PLCH1: variants seen among roughly 807,000 people sequenced by gnomAD.
The protein encoded by PLCH1 is phospholipase C eta 1, also known as 1-phosphatidylinositol 4,5-bisphosphate phosphodiesterase eta-1.
In PLCH1, 60 loss-of-function variants were observed where a neutral mutation model predicts 126.7. That is an observed-to-expected ratio of 0.47 (90% CI 0.38 to 0.59). The LOEUF (loss-of-function observed/expected upper bound fraction) is 0.59. Among genes scored for constraint, PLCH1 ranks in the 20% least tolerant of loss-of-function variants. The pLI is 0.00. For synonymous variants in PLCH1, 719 were observed against 734.9 expected, an observed-to-expected ratio of 0.98 and a Z score of 0.35; for missense variants, 1,723 against 2,040.0, an observed-to-expected ratio of 0.84 and a Z score of 2.99.
chr3:155,497,287 T>G (rs1216139731), intron 15 of PLCH1, 33 bp downstream of exon 15: 1 of 1,359,440 alleles, frequency 7.4e-7, no homozygotes, highest in Non-Finnish European at 1.0e-6. Context: ...GAATGTTTAT[T>G]CAGAGCAGAA....
chr3:155,654,122 C>T (rs2108907728), intron 2 of PLCH1, among the ~76,000 whole-genome samples: 1 of 151,372 alleles, frequency 6.6e-6, no homozygotes, highest in Middle Eastern at 3.4e-3. Flanking sequence ...CTCAACTCCG[C>T]AGCAGCATTT....
chr3:155,592,212 T>C (rs941780933), intron 4 of PLCH1, among the ~76,000 whole-genome samples: 14 of 146,396 alleles, frequency 9.6e-5, no homozygotes, highest in Non-Finnish European at 1.6e-4. Flanking sequence ...TGGCCAAGCC[T>C]GGTGGCTTAC....
intron 2 of PLCH1, among the ~76,000 whole-genome samples, chr3:155,626,608 A>T (rs1737286092): frequency 6.6e-6 from 1 of 151,828 alleles, no homozygotes; most frequent in Non-Finnish European, 1.5e-5. Flanking sequence ...TCTCTACTAA[A>T]AATACAAAAA....
chr3:155,663,550 T>C (rs1265903948), intron 2 of PLCH1, among the ~76,000 whole-genome samples: 1 of 152,180 alleles, frequency 6.6e-6, no homozygotes, highest in Non-Finnish European at 1.5e-5. Flanking sequence ...TCTATAAAAA[T>C]ATTATCTCCC....
intron 21 of PLCH1, among the ~76,000 whole-genome samples, chr3:155,464,029 C>T (rs1712834478): frequency 6.6e-6 from 1 of 152,166 alleles, no homozygotes; most frequent in Admixed American, 6.5e-5. Flanking sequence ...AAGTCTAGGT[C>T]TAGTGGAGAA....
In PLCH1 at chr3:155,472,602, A is replaced by C. The variant is rs1440146037; in HGVS notation, c.2938+12754T>G. Among the ~76,000 whole-genome samples, 4 of 152,130 alleles carry C rather than the reference A, an allele frequency of 2.6e-5. No individual in the cohort carries two copies. In the East Asian group the frequency reaches 7.8e-4, roughly 30 times the overall value. On this transcript the variant is annotated intron_variant, in intron 21 of 21. Coordinates refer to the PLCH1 transcript ENST00000494598. ...ATGAGGCCAGCATCATCCTGATACC[A>C]AAGCCGGGCAGAGACAAAACCAAAA...
intron 1 of PLCH1, among the ~76,000 whole-genome samples, chr3:155,711,967 G>A (rs1216619680): frequency 4.6e-5 from 7 of 152,308 alleles, no homozygotes; most frequent in Admixed American, 1.3e-4. Flanking sequence ...CCAAGTCGTG[G>A]TAATATCATT....
intron 2 of PLCH1, among the ~76,000 whole-genome samples, chr3:155,620,205 C>T (rs1013496099): frequency 1.5e-4 from 23 of 151,238 alleles, no homozygotes; most frequent in African/African-American, 5.4e-4. Flanking sequence ...TGTGTTACAA[C>T]ATTTTCTAAA....
At chr3:155,520,401 A>C (rs1720925429) in intron 11 of PLCH1, among the ~76,000 whole-genome samples, 1 of 152,200 alleles carries the variant, frequency 6.6e-6, no homozygotes, top group Non-Finnish European at 1.5e-5. Context: ...TATAAGACAA[A>C]AATTGCTACA....
chr3:155,733,485 G>A (rs533810696), intron 1 of PLCH1, among the ~76,000 whole-genome samples: 11 of 152,216 alleles, frequency 7.2e-5, no homozygotes, highest in South Asian at 4.1e-4. Context: ...CAGTCTCTTC[G>A]ATAAATAGGT....
intron 21 of PLCH1, among the ~76,000 whole-genome samples, chr3:155,458,496 A>G (rs1450194226): frequency 1.4e-4 from 12 of 88,250 alleles, no homozygotes; most frequent in African/African-American, 8.0e-4. Flanking sequence ...GAAAGAAAGA[A>G]AGAGAAAGAA....
chr3:155,460,451 A>G (rs1183610241), intron 21 of PLCH1, among the ~76,000 whole-genome samples: 1 of 152,148 alleles, frequency 6.6e-6, no homozygotes, highest in African/African-American at 2.4e-5. Context: ...CAATGGGTCC[A>G]ATAGATATAA....
At chr3:155,518,767 G>A (rs1004179103) in intron 11 of PLCH1, among the ~76,000 whole-genome samples, 7 of 152,116 alleles carry the variant, frequency 4.6e-5, no homozygotes, top group Non-Finnish European at 7.3e-5. Flanking sequence ...AGCACCTAGG[G>A]TATCCAGTAT....
At chr3:155,599,317 C>A (rs1187129970) in intron 2 of PLCH1, among the ~76,000 whole-genome samples, 1 of 151,878 alleles carries the variant, frequency 6.6e-6, no homozygotes, top group Non-Finnish European at 1.5e-5. Flanking sequence ...ATAGAGTAGG[C>A]TGGAATGGGG....
At chr3:155,693,781 T>G (rs1745591962) in intron 2 of PLCH1, among the ~76,000 whole-genome samples, 1 of 151,964 alleles carries the variant, frequency 6.6e-6, no homozygotes, top group African/African-American at 2.4e-5. Context: ...AATACAAAAA[T>G]TAACCAGGCA....
intron 1 of PLCH1, among the ~76,000 whole-genome samples, chr3:155,736,492 A>T (rs1749184274): frequency 6.6e-6 from 1 of 152,220 alleles, no homozygotes; most frequent in Non-Finnish European, 1.5e-5. Context: ...AAAATAAGAA[A>T]AAGAAACTTT....
At position 155,573,533 on chromosome 3, in the gene PLCH1, C is replaced by T. The variant is rs535329341; in HGVS notation, c.772-5209G>A. 6.6e-5 allele frequency among the ~76,000 whole-genome samples: 10 copies of T among 152,304 alleles called. No homozygotes were observed. The South Asian group carries it at 2.1e-3, about 32-fold the overall frequency. On this transcript the variant is annotated intron_variant, in intron 6 of 22. Transcript: ENST00000460012. ...GTACAAGATGGCCTCACCCACATGT[C>T]TGTGGTTGGTGCTGGCTGTTGGCTG...
Position 155,558,454 on chromosome 3 carries a change from T to G in PLCH1, c.1070-4258A>C, listed in dbSNP as rs140616784. Reference sequence around the variant, plus strand: ...AAGGCTCCCGGTAGATGCCTGAAACTGCAAAGTACTGAACCTTATACATAC... The same window carrying G: ...AAGGCTCCCGGTAGATGCCTGAAACGGCAAAGTACTGAACCTTATACATAC... On this transcript the variant is annotated intron_variant, in intron 8 of 22. Coordinates refer to ENST00000460012, the MANE Select transcript of PLCH1 (RefSeq NM_014996.4). 1.0e-2 allele frequency among the ~76,000 whole-genome samples: 1,516 copies of G among 152,312 alleles called. 6 individuals carry two copies. The highest frequency in any genetic ancestry group is 0.054 in the Middle Eastern group (16 of 294).
At position 155,482,246 on chromosome 3, in the gene PLCH1, T is replaced by A. The variant is rs1225383082; in HGVS notation, c.3780A>T (p.Lys1260Asn). ...TTTCATAAACTGTGTTCGTTGCATGTTTGGTGGTCTCAGAACTCGAGAGTG... is the reference window on the plus strand; with the variant it reads ...TTTCATAAACTGTGTTCGTTGCATGATTGGTGGTCTCAGAACTCGAGAGTG... ...LIALSSSETT[K>N]HATNTVYETT... Residue 1260 changes from lysine to asparagine, a missense_variant, in exon 23 of 23, where the codon AAA becomes AAT. Around this residue, in one of 2 missense-constraint regions of PLCH1, gnomAD observed 947 missense variants for 977.1 expected, o/e 0.97. Transcript: ENST00000460012. The A allele has an allele frequency of 6.2e-7, 1 of 1,614,130 alleles. No individual in the cohort carries two copies. The highest frequency in any genetic ancestry group is 2.2e-5 in the East Asian group (1 of 44,884).
Sources: allele counts gnomAD v4.1 joint callset (sites outside exome capture counted in the v4.1 genomes callset), GRCh38; gene constraint gnomAD v4.1.1; regional missense constraint gnomAD v4.1.1; transcripts MANE v1.5; gene names NCBI Gene and HGNC (gene_info 2026-07-23, HGNC 2026-07-21).